Variants in ARID5B observed in about 807,000 individuals in gnomAD.
ARID5B encodes AT-rich interactive domain-containing protein 5B.
In ARID5B, 13 loss-of-function variants were observed where a neutral mutation model predicts 97.2. The ratio of observed to expected loss-of-function variants is 0.13; its 90% CI spans 0.09 to 0.21. The LOEUF is 0.21. Among genes scored for constraint, ARID5B ranks in the 10% least tolerant of loss-of-function variants. ARID5B has a pLI of 1.00. For synonymous variants in ARID5B, 556 were observed against 570.3 expected, an observed-to-expected ratio of 0.97 and a Z score of 0.36; for missense variants, 1,210 against 1,465.3, an observed-to-expected ratio of 0.83 and a Z score of 2.84.
chr10:61,926,986 A>C (rs995514788), intron 2 of ARID5B, among the ~76,000 whole-genome samples: 14 of 152,028 alleles, frequency 9.2e-5, no homozygotes, highest in African/African-American at 3.4e-4. Context: ...AGTAATGGCA[A>C]AAACCACAAT....
intron 5 of ARID5B, 41 bp from the exon 6 acceptor site, chr10:62,057,076 G>C: frequency 1.3e-6 from 2 of 1,599,170 alleles, no homozygotes; most frequent in East Asian, 4.5e-5. Context: ...AGCATCCTGG[G>C]GCTGTGCCTC....
At chr10:61,960,693 G>A (rs1441364770) in intron 3 of ARID5B, among the ~76,000 whole-genome samples, 2 of 151,706 alleles carry the variant, frequency 1.3e-5, no homozygotes, top group Non-Finnish European at 3.0e-5. Flanking sequence ...CCATTTACTA[G>A]ATTAGGCTAC....
Position 61,983,989 on chromosome 10 carries a change from G to A in ARID5B, c.503-16102G>A, listed in dbSNP as rs183719635. ...TGCAAGCTCCGCTTCCCGGGTTCAC[G>A]CCATTCTCCTGCCTCAGCCTCCCGA... On this transcript the variant is annotated intron_variant, in intron 3 of 9. Transcript: ENST00000279873. Among the ~76,000 whole-genome samples, 134 of 22,698 alleles carry A rather than the reference G, an allele frequency of 5.9e-3. 42 individuals are homozygous for A. Among genetic ancestry groups the A allele is most frequent in the African/African-American group, 0.016 (121 of 7,570 alleles). The allele number at this position is 22,698 out of a possible 152,430, so 14.9% of individuals were successfully genotyped here.
intron 4 of ARID5B, among the ~76,000 whole-genome samples, chr10:62,025,555 T>G (rs1839409737): frequency 6.6e-6 from 1 of 152,222 alleles, no homozygotes; most frequent in East Asian, 1.9e-4. Flanking sequence ...ATATCCACAG[T>G]TGGCATCTGT....
intron 7 of ARID5B, among the ~76,000 whole-genome samples, chr10:62,063,976 G>C (rs756691838): frequency 1.3e-5 from 2 of 152,196 alleles, no homozygotes; most frequent in Admixed American, 1.3e-4. Context: ...AGAGAAGGTA[G>C]AGTTGGGAAA....
intron 4 of ARID5B, among the ~76,000 whole-genome samples, chr10:62,032,961 G>A (rs921244313): frequency 1.8e-4 from 28 of 152,148 alleles, no homozygotes; most frequent in African/African-American, 6.3e-4. Context: ...TACTGAAAAC[G>A]CGAGAGCAAA....
intron 3 of ARID5B, among the ~76,000 whole-genome samples, chr10:61,982,369 T>C (rs573074312): frequency 3.3e-5 from 5 of 152,296 alleles, no homozygotes; most frequent in African/African-American, 1.2e-4. Flanking sequence ...AGAACAACTG[T>C]TCTCCAGTTT....
At chr10:62,006,442 C>T (rs1412293549) in intron 4 of ARID5B, among the ~76,000 whole-genome samples, 1 of 151,908 alleles carries the variant, frequency 6.6e-6, no homozygotes, top group African/African-American at 2.4e-5. Flanking sequence ...AACTCCGTTT[C>T]AAACAAACAA....
chr10:61,925,700 G>A (rs746427812), intron 2 of ARID5B, among the ~76,000 whole-genome samples: 2 of 152,194 alleles, frequency 1.3e-5, no homozygotes, highest in Non-Finnish European at 2.9e-5. Context: ...AATTATGAGA[G>A]GGTGTTTCTA....
intron 3 of ARID5B, among the ~76,000 whole-genome samples, chr10:61,991,028 A>T (rs1589248990): frequency 8.0e-6 from 1 of 124,816 alleles, no homozygotes; most frequent in Middle Eastern, 4.0e-3. Context: ...GTGGAATCAC[A>T]ATATTTATCC....
chr10:61,947,497 C>G (rs985855697), intron 3 of ARID5B, among the ~76,000 whole-genome samples: 1 of 151,928 alleles, frequency 6.6e-6, no homozygotes, highest in Admixed American at 6.6e-5. Flanking sequence ...TCACAGACTC[C>G]TAAACTCAAG....
intron 2 of ARID5B, among the ~76,000 whole-genome samples, chr10:61,902,868 T>C (rs1843641490): frequency 6.6e-6 from 1 of 152,104 alleles, no homozygotes; most frequent in Non-Finnish European, 1.5e-5. Context: ...AAGTAAGTAT[T>C]TGATATGTTT....
chr10:62,045,833 A>G (rs1839701018), intron 4 of ARID5B, among the ~76,000 whole-genome samples: 1 of 152,230 alleles, frequency 6.6e-6, no homozygotes. Context: ...TATACATAGA[A>G]CAATGTTTGT....
Position 62,045,409 on chromosome 10 carries a change from C to A in ARID5B, c.734-5479C>A, listed in dbSNP as rs192772116. On this transcript the variant is annotated intron_variant, in intron 4 of 9. Transcript: ENST00000279873. ...AATTAGGGTAGGTTACTCCTCCCCCCCGAAAGAGCAATGCTCCATGCTGAA... is the reference window on the plus strand; with the variant it reads ...AATTAGGGTAGGTTACTCCTCCCCCACGAAAGAGCAATGCTCCATGCTGAA... Among the ~76,000 whole-genome samples, 6 of 151,830 alleles carry A rather than the reference C, an allele frequency of 4.0e-5. No homozygotes were observed. In the South Asian group the frequency reaches 8.3e-4, roughly 21 times the overall value.
At chr10:62,049,390 C>A (rs1354345124) in intron 4 of ARID5B, 2 of 1,549,116 alleles carry the variant, frequency 1.3e-6, no homozygotes, top group African/African-American at 1.4e-5. Context: ...CACACCAAGT[C>A]GAGACTTCCA....
rs1033336404 is a variant in ARID5B at position 62,036,531 on chromosome 10, A to G, written c.734-14357A>G. Among the ~76,000 whole-genome samples, 7 of 152,246 alleles carry G rather than the reference A, an allele frequency of 4.6e-5. No homozygotes were observed. In the East Asian group the frequency reaches 5.8e-4, roughly 13 times the overall value. ...GAGTATGGTGCACAGAAGTCCTGCC[A>G]GAAGGACCTGCGCTTCATGCACTCC... On this transcript the variant is annotated intron_variant, in intron 4 of 9. Coordinates refer to ENST00000279873, the MANE Select transcript of ARID5B (RefSeq NM_032199.3).
chr10:61,973,878 C>T (rs1349318365), intron 3 of ARID5B, among the ~76,000 whole-genome samples: 1 of 152,188 alleles, frequency 6.6e-6, no homozygotes, highest in Non-Finnish European at 1.5e-5. Context: ...TTTTACAGTG[C>T]AGTGCGGGTT....
intron 3 of ARID5B, among the ~76,000 whole-genome samples, chr10:61,958,408 T>C (rs770574728): frequency 6.6e-6 from 1 of 151,864 alleles, no homozygotes; most frequent in Non-Finnish European, 1.5e-5. Flanking sequence ...TTTGTATTTT[T>C]AGTAGAGACG....
intron 3 of ARID5B, among the ~76,000 whole-genome samples, chr10:61,990,541 A>T (rs1431673784): frequency 1.3e-5 from 2 of 152,190 alleles, no homozygotes; most frequent in Admixed American, 1.3e-4. Flanking sequence ...TTACTGCAAC[A>T]CTGTCTGTAG....
Sources: allele counts gnomAD v4.1 joint callset (sites outside exome capture counted in the v4.1 genomes callset), GRCh38; gene constraint gnomAD v4.1.1; transcripts MANE v1.5; gene names NCBI Gene and HGNC (gene_info 2026-07-23, HGNC 2026-07-21).